TARDBP: variants seen among roughly 807,000 people sequenced by gnomAD.
TARDBP encodes the protein TAR DNA-binding protein 43.
Under a neutral mutation model 38.3 loss-of-function variants are expected in TARDBP, and 4 were observed. The observed-to-expected ratio is 0.10, with a 90% CI of 0.05 to 0.24. TARDBP has a LOEUF of 0.24. TARDBP is among the 10% of genes least tolerant of loss of function. TARDBP has a pLI of 1.00. For synonymous variants in TARDBP, 184 were observed against 183.8 expected, an observed-to-expected ratio of 1.00 and a Z score of -0.01; for missense variants, 202 against 521.9, an observed-to-expected ratio of 0.39 and a Z score of 5.97.
At position 11,017,107 on chromosome 1, in the gene TARDBP, T is replaced by C. The variant is rs546963670; in HGVS notation, c.402+100T>C. On this transcript the variant is annotated intron_variant, in intron 3 of 5. Coordinates refer to ENST00000240185, the MANE Select transcript of TARDBP (RefSeq NM_007375.4). The stretch of plus-strand genomic sequence containing the variant: ...AGAGATGGGGTATCACTATGTTCCC[T>C]AGGTTCTGGCGTCAAACTCCTGGGC... 3.1e-5 allele frequency: 42 copies of C among 1,373,192 alleles called. No homozygotes were observed. The Admixed American group carries it at 6.3e-4, about 21-fold the overall frequency. 85.1% of individuals were successfully genotyped at this position (1,373,192 alleles called of 1,614,324 possible). A position where few individuals can be genotyped will look rare whatever the true frequency, so the allele number is the denominator to read the frequency against.
At chr1:11,020,348 T>A in intron 4 of TARDBP, 81 bp from the exon 5 acceptor site, 1 of 1,556,774 alleles carries the variant, frequency 6.4e-7, no homozygotes, top group East Asian at 2.2e-5. Context: ...GCGAATGATT[T>A]TGTTATATCC....
chr1:11,020,421 T>G lies in TARDBP; in HGVS notation c.544-8T>G, dbSNP rs1327884009. 1 of 1,614,134 alleles carries G rather than the reference T, an allele frequency of 6.2e-7. No homozygotes were observed. Among genetic ancestry groups the G allele is most frequent in the South Asian group, 1.1e-5 (1 of 91,088 alleles). On this transcript the variant is annotated splice_region_variant and splice_polypyrimidine_tract_variant and intron_variant, in intron 4 of 5. Coordinates refer to ENST00000240185, the MANE Select transcript of TARDBP (RefSeq NM_007375.4). Reference sequence around the variant, plus strand: ...TCTGAGTTTTTTTCTTCCTTTTGATTTGATCAGCAAAGCCAAGATGAGCCT... The same window carrying G: ...TCTGAGTTTTTTTCTTCCTTTTGATGTGATCAGCAAAGCCAAGATGAGCCT...
chr1:11,024,916 T>C lies in TARDBP; in HGVS notation c.*2262T>C, dbSNP rs1643703629. The C allele has an allele frequency of 6.9e-6, 1 of 145,720 alleles. No individual in the cohort carries two copies. The highest frequency in any genetic ancestry group is 7.2e-5 in the Admixed American group (1 of 13,986). 9.0% of individuals were successfully genotyped at this position (145,720 alleles called of 1,614,324 possible). A position where few individuals can be genotyped will look rare whatever the true frequency, so the allele number is the denominator to read the frequency against. ...CTAATGCCCTTACCTAATTAGATTA[T>C]GATAAATAGGTTTGTCATTTTGCAA... On this transcript the variant is annotated 3_prime_UTR_variant, in exon 6 of 6. Coordinates refer to ENST00000240185, the MANE Select transcript of TARDBP (RefSeq NM_007375.4).
rs567461366 is a variant in TARDBP, at chr1:11,018,580, T to C, written c.403-153T>C. 6.3e-6 allele frequency: 6 copies of C among 953,676 alleles called. No homozygotes were observed. The South Asian group carries it at 7.0e-5, about 11-fold the overall frequency. 59.1% of individuals were successfully genotyped at this position (953,676 alleles called of 1,614,324 possible). A position where few individuals can be genotyped will look rare whatever the true frequency, so the allele number is the denominator to read the frequency against. ...ACACAGTATGGATTCAATATTAACC[T>C]CCTTGTTTTTACTGTTAAGACTAAC... On this transcript the variant is annotated intron_variant, in intron 3 of 5. Coordinates refer to ENST00000240185, the MANE Select transcript of TARDBP (RefSeq NM_007375.4).
At chr1:11,027,138 T>C, downstream of TARDBP, 2 of 1,613,272 alleles carry the variant, frequency 1.2e-6, no homozygotes, top group Non-Finnish European at 1.7e-6. Context: ...GGGTGGCTTT[T>C]CATATGCAGC....
chr1:11,029,168 ATT>A (rs145611326), downstream of TARDBP, among the ~76,000 whole-genome samples: 211 of 143,698 alleles, frequency 1.5e-3, no homozygotes, highest in South Asian at 2.4e-3. Context: ...AATTTTTTGT[ATT>A]TTTTTTTTTT....
At chr1:11,027,472 C>G (rs757050153), downstream of TARDBP, 1 of 1,614,070 alleles carries the variant, frequency 6.2e-7, no homozygotes, top group East Asian at 2.2e-5. Flanking sequence ...AGGGCGGATG[C>G]ATCATGTTTT....
chr1:11,027,135 T>C (rs1021976885), downstream of TARDBP: 1 of 1,612,954 alleles, frequency 6.2e-7, no homozygotes, highest in African/African-American at 1.3e-5. Flanking sequence ...ATAGGGTGGC[T>C]TTTCATATGC....
At chr1:11,013,457 T>TA (rs1024181409) in intron 1 of TARDBP, among the ~76,000 whole-genome samples, 5 of 151,606 alleles carry the variant, frequency 3.3e-5, no homozygotes, top group Non-Finnish European at 1.5e-5. Context: ...GACTCACAGT[T>TA]ACAGTTTCAG....
chr1:11,019,635 C>T (rs898095712), intron 4 of TARDBP, among the ~76,000 whole-genome samples: 5 of 151,486 alleles, frequency 3.3e-5, no homozygotes, highest in Admixed American at 3.3e-4. Flanking sequence ...GGTGCAATCT[C>T]AGCTCACTGC....
At chr1:11,017,086 A>T in intron 3 of TARDBP, 79 bp downstream of exon 3, 1 of 1,477,176 alleles carries the variant, frequency 6.8e-7, no homozygotes, top group South Asian at 1.1e-5. Context: ...ATAAATAGAG[A>T]TGGGGTATCA....
In TARDBP at chr1:11,022,373, A is replaced by G. The variant is rs373538082; in HGVS notation, c.964A>G (p.Met322Val). The G allele has an allele frequency of 1.9e-6, 3 of 1,614,000 alleles. No individual in the cohort carries two copies. The highest frequency in any genetic ancestry group is 1.7e-6 in the Non-Finnish European group (2 of 1,179,870). ...NFGAFSINPAMMAAAQAALQS... is the reference protein window; with the variant it reads ...NFGAFSINPAVMAAAQAALQS... ...TGGTGCGTTCAGCATTAATCCAGCC[A>G]TGATGGCTGCCGCCCAGGCAGCACT... The change falls in exon 6 of 6, where the codon ATG (methionine) becomes GTG (valine). Residue 322 changes from methionine to valine, a missense_variant. Physicochemically the swap from Met to Val is conservative, Grantham distance 21. Transcript: ENST00000240185. This position sits in a 1 kb window ranked among gnomAD's most constrained non-coding sequence, Gnocchi z 4.5.
In TARDBP at chr1:11,023,269, T is replaced by C. The variant is rs1643676177; in HGVS notation, c.*615T>C. ...TGTAAATATTCTGCCATAGGAATAC[T>C]GTCTACATGCTTTCTCATTCAAGAA... On this transcript the variant is annotated 3_prime_UTR_variant, in exon 6 of 6. Coordinates refer to ENST00000240185, the MANE Select transcript of TARDBP (RefSeq NM_007375.4). 3 of 1,549,794 alleles carry C rather than the reference T, an allele frequency of 1.9e-6. No individual in the cohort carries two copies. Among genetic ancestry groups the C allele is most frequent in the Non-Finnish European group, 2.6e-6 (3 of 1,146,332 alleles).
At chr1:11,014,033 T>G (rs1643467194) in intron 2 of TARDBP, 68 bp downstream of exon 2, 1 of 1,485,820 alleles carries the variant, frequency 6.7e-7, no homozygotes, top group Non-Finnish European at 9.4e-7. Flanking sequence ...TCCATGGATC[T>G]TAGCCTCTTT....
Position 11,022,385 on chromosome 1 carries a change from G to A in TARDBP, c.976G>A (p.Ala326Thr). 1 of 1,613,958 alleles carries A rather than the reference G, an allele frequency of 6.2e-7. No homozygotes were observed. Among genetic ancestry groups the A allele is most frequent in the Non-Finnish European group, 8.5e-7 (1 of 1,179,868 alleles). ...CATTAATCCAGCCATGATGGCTGCC[G>A]CCCAGGCAGCACTACAGAGCAGTTG... is the stretch of plus-strand genomic sequence containing the variant. ...FSINPAMMAA[A>T]QAALQSSWGM... Residue 326 changes from alanine (A) to threonine (T), a missense_variant, in exon 6 of 6, where the codon GCC (alanine) becomes ACC (threonine). By Grantham distance (58) the Ala-to-Thr change is moderately conservative (BLOSUM62 0). Transcript: ENST00000240185. The surrounding 1 kb of genome is among the most constrained non-coding windows in gnomAD (Gnocchi z 4.5).
Position 11,022,096 on chromosome 1 carries a change from C to A in TARDBP, c.715-28C>A, listed in dbSNP as rs771370633. 14 of 1,613,402 alleles carry A rather than the reference C, an allele frequency of 8.7e-6. No homozygotes were observed. On this transcript the variant is annotated intron_variant, in intron 5 of 5. Coordinates refer to ENST00000240185, the MANE Select transcript of TARDBP (RefSeq NM_007375.4). The surrounding 1 kb of genome is among the most constrained non-coding windows in gnomAD (Gnocchi z 4.5). ...ATATATGAATCAGTGGTTTAATCTT[C>A]TTTGTTTACATCCCTTATTTCTTAT... is the stretch of plus-strand genomic sequence containing the variant.
downstream of TARDBP, chr1:11,027,349 T>C: frequency 1.9e-6 from 3 of 1,614,224 alleles, no homozygotes; most frequent in Non-Finnish European, 2.5e-6. Flanking sequence ...ATCAGTGCTA[T>C]GTCATTGTCA....
At chr1:11,013,137 C>T (rs1424261824) in intron 1 of TARDBP, among the ~76,000 whole-genome samples, 2 of 152,254 alleles carry the variant, frequency 1.3e-5, no homozygotes, top group Non-Finnish European at 2.9e-5. Flanking sequence ...ACGGCCGGCA[C>T]CGCCAGGACC....
chr1:11,027,366 G>A (rs781048179), downstream of TARDBP: 7 of 1,614,052 alleles, frequency 4.3e-6, no homozygotes, highest in Admixed American at 1.2e-4. Context: ...GTCAAAGCCA[G>A]CATCATGAGT....
Sources: allele counts gnomAD v4.1 joint callset (sites outside exome capture counted in the v4.1 genomes callset), GRCh38; gene constraint gnomAD v4.1.1; non-coding constraint Gnocchi (gnomAD v3.1); transcripts MANE v1.5; gene names NCBI Gene and HGNC (gene_info 2026-07-23, HGNC 2026-07-21).